The following PDE12 variants were observed in gnomAD, a reference collection of about 807,000 sequenced individuals.
PDE12 encodes phosphodiesterase 12, also known as 2',5'-phosphodiesterase 12.
A neutral mutation model predicts 45.4 loss-of-function variants in PDE12; 26 were observed. That is an observed-to-expected ratio of 0.57 (90% CI 0.42 to 0.79). The LOEUF (loss-of-function observed/expected upper bound fraction) is 0.79, where lower values mean the gene tolerates loss of function less well. PDE12 is among the 30% of genes least tolerant of loss of function. PDE12 has a pLI of 0.00. For synonymous variants in PDE12, 283 were observed against 323.9 expected (o/e 0.87, Z 1.36); for missense variants, 668 against 790.0 (o/e 0.85, Z 1.85).
At chr3:57,588,578 G>A in the PDE12 span, among the ~76,000 whole-genome samples, 3 of 148,238 alleles carry the variant, frequency 2.0e-5, no homozygotes, top group Admixed American at 1.4e-4. Flanking sequence ...TGTGAGTGGG[G>A]CACAGTGGCT....
chr3:57,617,820 T>C, the PDE12 span, among the ~76,000 whole-genome samples: 1 of 151,156 alleles, frequency 6.6e-6, no homozygotes. Context: ...TGAGCTGAGA[T>C]ATTGTGCCAC....
chr3:57,641,875 T>C, the PDE12 span: 3 of 645,238 alleles, frequency 4.6e-6, no homozygotes, highest in Admixed American at 9.2e-5. Context: ...TTCAACACAT[T>C]ACATATCAAC....
chr3:57,560,736 C>G lies in PDE12; in HGVS notation c.*732C>G. The stretch of plus-strand genomic sequence containing the variant: ...CATGACAACACATTCCAAAATGAAT[C>G]ATGCTTATGTACTAAGAGGGAAAAT... On this transcript the variant is annotated 3_prime_UTR_variant, in exon 3 of 3. Coordinates refer to ENST00000311180, the MANE Select transcript of PDE12 (RefSeq NM_177966.7). The G allele has an allele frequency of 1.0e-6, 1 of 984,396 alleles. No individual in the cohort carries two copies. Among genetic ancestry groups the G allele is most frequent in the Non-Finnish European group, 1.2e-6 (1 of 828,760 alleles). The allele number at this position is 984,396 out of a possible 1,614,324, so 61.0% of individuals were successfully genotyped here.
downstream of PDE12, among the ~76,000 whole-genome samples, chr3:57,570,219 G>GTTTTTTTTTTTTT (rs34599005): frequency 1.4e-3 from 144 of 102,320 alleles, 3 homozygotes; most frequent in African/African-American, 5.1e-3. Flanking sequence ...TTAATCCAGT[G>GTTTTTTTTTTTTT]TTTTTTTTTT....
In PDE12 at chr3:57,564,362, A is replaced by C. The variant is rs2069757805; in HGVS notation, c.*4358A>C. Reference sequence around the variant, plus strand: ...CTGTCAGTGTTAGATTTTTACTCATAATTTAAAATTTCCCCGCAAAATTTC... The same window carrying C: ...CTGTCAGTGTTAGATTTTTACTCATCATTTAAAATTTCCCCGCAAAATTTC... On this transcript the variant is annotated 3_prime_UTR_variant, in exon 3 of 3. Transcript: ENST00000311180. 2 of 152,332 alleles carry C rather than the reference A, an allele frequency of 1.3e-5. No homozygotes were observed. Among genetic ancestry groups the C allele is most frequent in the South Asian group, 4.1e-4 (2 of 4,830 alleles). 9.4% of individuals were successfully genotyped at this position (152,332 alleles called of 1,614,324 possible). A position where few individuals can be genotyped will look rare whatever the true frequency, so the allele number is the denominator to read the frequency against.
chr3:57,620,545 TTC>T, the PDE12 span, among the ~76,000 whole-genome samples: 849 of 152,294 alleles, frequency 5.6e-3, 4 homozygotes, highest in Middle Eastern at 0.017. Flanking sequence ...ACAGTCTTTA[TTC>T]ACAGATGGCA....
At chr3:57,568,856 G>T (rs1575776908), downstream of PDE12, among the ~76,000 whole-genome samples, 1 of 62,124 alleles carries the variant, frequency 1.6e-5, no homozygotes, top group African/African-American at 7.9e-5. Context: ...AAATGTTATG[G>T]ACAAAAAAAA....
At chr3:57,611,759 A>G in the PDE12 span, among the ~76,000 whole-genome samples, 1 of 152,190 alleles carries the variant, frequency 6.6e-6, no homozygotes, top group Non-Finnish European at 1.5e-5. Context: ...GGATGTGGAG[A>G]AATAGGAACA....
At chr3:57,617,872 T>TA in the PDE12 span, among the ~76,000 whole-genome samples, 19,663 of 137,464 alleles carry the variant, frequency 0.14, 1,363 homozygotes, top group South Asian at 0.23. Context: ...GACTCTGCCT[T>TA]AAAAAAAAAA....
the PDE12 span, among the ~76,000 whole-genome samples, chr3:57,621,125 C>T: frequency 6.6e-6 from 1 of 152,074 alleles, no homozygotes; most frequent in Non-Finnish European, 1.5e-5. Flanking sequence ...ACATATACAC[C>T]ATTGGCACAG....
At chr3:57,588,197 T>C in the PDE12 span, among the ~76,000 whole-genome samples, 3 of 152,216 alleles carry the variant, frequency 2.0e-5, no homozygotes, top group East Asian at 1.9e-4. Context: ...TATTTAAAGA[T>C]GTACTGGAAT....
chr3:57,618,734 G>A, the PDE12 span, among the ~76,000 whole-genome samples: 1 of 145,960 alleles, frequency 6.9e-6, no homozygotes, highest in African/African-American at 2.5e-5. Flanking sequence ...TCAGCCTCCT[G>A]AGTAGCTGGG....
At chr3:57,597,240 A>C in the PDE12 span, 2 of 1,188,002 alleles carry the variant, frequency 1.7e-6, no homozygotes, top group Admixed American at 4.2e-5. Flanking sequence ...GAGAGGGAAG[A>C]GAAAGAGCGG....
At chr3:57,574,254 G>A in the PDE12 span, among the ~76,000 whole-genome samples, 1 of 151,784 alleles carries the variant, frequency 6.6e-6, no homozygotes, top group Non-Finnish European at 1.5e-5. Context: ...TAGGTTCTTT[G>A]TTGTTTGTTT....
chr3:57,633,885 C>T, the PDE12 span, among the ~76,000 whole-genome samples: 1 of 150,390 alleles, frequency 6.6e-6, no homozygotes, highest in Admixed American at 6.6e-5. Context: ...GAGCGAAACT[C>T]CATCTCAAAA....
the PDE12 span, among the ~76,000 whole-genome samples, chr3:57,644,164 A>AC: frequency 7.9e-5 from 12 of 151,828 alleles, no homozygotes; most frequent in Admixed American, 2.0e-4. Flanking sequence ...AAAAAAAAAA[A>AC]AAACTATCAG....
chr3:57,590,905 A>G, the PDE12 span, among the ~76,000 whole-genome samples: 47 of 152,266 alleles, frequency 3.1e-4, no homozygotes, highest in East Asian at 6.2e-3. Flanking sequence ...AGGCTGCGTA[A>G]TAGTTTAAAA....
chr3:57,628,511 C>T, the PDE12 span, among the ~76,000 whole-genome samples: 1 of 152,058 alleles, frequency 6.6e-6, no homozygotes, highest in Non-Finnish European at 1.5e-5. Context: ...TTAAACAATT[C>T]GTTATTGAGC....
chr3:57,655,598 T>C, the PDE12 span, among the ~76,000 whole-genome samples: 3 of 152,202 alleles, frequency 2.0e-5, no homozygotes, highest in Non-Finnish European at 4.4e-5. Flanking sequence ...AATCAAAATT[T>C]AGTTGCATGC....
Sources: gnomAD v4.1 joint callset for allele counts (sites outside exome capture counted in the v4.1 genomes callset) on GRCh38, gnomAD v4.1.1 for gene constraint, MANE v1.5 for transcripts, NCBI Gene and HGNC (gene_info 2026-07-23, HGNC 2026-07-21) for gene names.